Variants in SMYD3 observed in about 807,000 individuals in gnomAD.
SMYD3 encodes histone-lysine N-methyltransferase SMYD3.
A neutral mutation model predicts 57.7 loss-of-function variants in SMYD3; 36 were observed. The observed-to-expected ratio is 0.62, with a 90% CI of 0.48 to 0.82. The LOEUF is 0.82. Ranked by LOEUF, SMYD3 falls within the 40% of genes least tolerant of loss-of-function variation. The pLI, the probability that SMYD3 is intolerant of heterozygous loss-of-function variation, is 0.00. For missense variants in SMYD3, 515 were observed against 538.8 expected (o/e 0.96, Z 0.44); for synonymous variants, 211 against 195.0 (o/e 1.08, Z -0.68).
At chr1:246,483,940 A>G (rs921022705) in intron 1 of SMYD3, among the ~76,000 whole-genome samples, 4 of 152,232 alleles carry the variant, frequency 2.6e-5, no homozygotes, top group African/African-American at 9.6e-5. Flanking sequence ...AAACCTAAAA[A>G]CATATCACTT....
At chr1:246,349,147 G>A (rs1420206674) in intron 2 of SMYD3, among the ~76,000 whole-genome samples, 1 of 152,150 alleles carries the variant, frequency 6.6e-6, no homozygotes, top group African/African-American at 2.4e-5. Flanking sequence ...TCTACATAAA[G>A]AAAGAATGAG....
At chr1:246,282,818 C>A (rs1427711820) in intron 5 of SMYD3, among the ~76,000 whole-genome samples, 3 of 152,134 alleles carry the variant, frequency 2.0e-5, no homozygotes, top group African/African-American at 7.2e-5. Flanking sequence ...GAACAGTCAA[C>A]AAAATCTAAC....
chr1:246,424,114 G>A (rs1249939505), intron 1 of SMYD3, among the ~76,000 whole-genome samples: 1 of 152,142 alleles, frequency 6.6e-6, no homozygotes, highest in Non-Finnish European at 1.5e-5. Flanking sequence ...AAGAAATGAA[G>A]AGTGCTAGAA....
At chr1:246,187,018 G>C (rs1169389872) in intron 5 of SMYD3, 41 of 773,680 alleles carry the variant, frequency 5.3e-5, no homozygotes, top group Non-Finnish European at 6.4e-5. Context: ...AAGTAGGTGT[G>C]ATGTGCTAGA....
At chr1:245,938,952 C>T (rs1275062677) in intron 5 of SMYD3, among the ~76,000 whole-genome samples, 1 of 151,940 alleles carries the variant, frequency 6.6e-6, no homozygotes, top group East Asian at 1.9e-4. Context: ...TCAAGACCAC[C>T]CTGGCCAACA....
intron 5 of SMYD3, among the ~76,000 whole-genome samples, chr1:246,062,455 C>T (rs1400388655): frequency 6.6e-6 from 1 of 152,184 alleles, no homozygotes; most frequent in African/African-American, 2.4e-5. Flanking sequence ...CATCTTGTGA[C>T]ACCAGAAGAG....
chr1:246,080,599 T>C (rs1385388592), intron 5 of SMYD3, among the ~76,000 whole-genome samples: 2 of 152,084 alleles, frequency 1.3e-5, no homozygotes, highest in Non-Finnish European at 2.9e-5. Context: ...AACGGGAGAC[T>C]CTAGGAGAAA....
chr1:246,063,142 C>T (rs1199925405), intron 5 of SMYD3, among the ~76,000 whole-genome samples: 1 of 152,126 alleles, frequency 6.6e-6, no homozygotes, highest in Non-Finnish European at 1.5e-5. Flanking sequence ...TACAGGGAAA[C>T]AACACCAAGC....
chr1:246,091,858 G>A (rs989417804), intron 5 of SMYD3, among the ~76,000 whole-genome samples: 4 of 152,096 alleles, frequency 2.6e-5, no homozygotes, highest in African/African-American at 7.2e-5. Context: ...TTATATAAAC[G>A]TTTAATAATA....
intron 10 of SMYD3, among the ~76,000 whole-genome samples, chr1:245,794,032 A>T (rs1260866171): frequency 1.3e-5 from 2 of 152,154 alleles, no homozygotes; most frequent in Non-Finnish European, 2.9e-5. Flanking sequence ...TAATATTTAA[A>T]TTTCATCTTA....
intron 5 of SMYD3, among the ~76,000 whole-genome samples, chr1:246,143,566 G>C (rs2148124867): frequency 6.6e-6 from 1 of 152,236 alleles, no homozygotes; most frequent in East Asian, 1.9e-4. Context: ...TACTTGGGAG[G>C]CTGAGGTGGG....
chr1:245,882,703 T>C (rs2052854480), intron 8 of SMYD3, among the ~76,000 whole-genome samples: 1 of 152,192 alleles, frequency 6.6e-6, no homozygotes, highest in Non-Finnish European at 1.5e-5. Context: ...TTCTATGACA[T>C]GTATGTATTT....
At chr1:246,291,640 T>C (rs75754156) in intron 5 of SMYD3, among the ~76,000 whole-genome samples, 1 of 152,352 alleles carries the variant, frequency 6.6e-6, no homozygotes, top group Non-Finnish European at 1.5e-5. Context: ...CTAATAACCA[T>C]ATGTCTGGAC....
intron 10 of SMYD3, among the ~76,000 whole-genome samples, chr1:245,844,166 G>T (rs1195896436): frequency 1.3e-5 from 2 of 152,106 alleles, no homozygotes; most frequent in African/African-American, 4.8e-5. Flanking sequence ...TTTACAGCAG[G>T]TATCCCTCTC....
intron 10 of SMYD3, among the ~76,000 whole-genome samples, chr1:245,815,972 C>T (rs1410129351): frequency 6.6e-6 from 1 of 152,188 alleles, no homozygotes; most frequent in East Asian, 1.9e-4. Flanking sequence ...CACTCACCTT[C>T]TGTAGGTGAG....
At chr1:245,989,738 C>T (rs2058779048) in intron 5 of SMYD3, among the ~76,000 whole-genome samples, 1 of 152,214 alleles carries the variant, frequency 6.6e-6, no homozygotes, top group South Asian at 2.1e-4. Context: ...CAGAGGATTA[C>T]AGGCCAACTT....
At chr1:246,069,689 A>G (rs899545882) in intron 5 of SMYD3, among the ~76,000 whole-genome samples, 2 of 152,164 alleles carry the variant, frequency 1.3e-5, no homozygotes, top group African/African-American at 4.8e-5. Flanking sequence ...GCCACTTTGA[A>G]GTTCACCCCC....
At chr1:246,445,962 A>G (rs2067546195) in intron 1 of SMYD3, among the ~76,000 whole-genome samples, 1 of 152,252 alleles carries the variant, frequency 6.6e-6, no homozygotes, top group Non-Finnish European at 1.5e-5. Flanking sequence ...ATATGAATGC[A>G]TAACTAATGA....
At chr1:245,890,481 C>A (rs1053979960) in intron 8 of SMYD3, among the ~76,000 whole-genome samples, 1 of 152,090 alleles carries the variant, frequency 6.6e-6, no homozygotes, top group African/African-American at 2.4e-5. Context: ...ATAAGAACAT[C>A]CCGCATCATC....
Sources: gnomAD v4.1 joint callset for allele counts (sites outside exome capture counted in the v4.1 genomes callset) on GRCh38, gnomAD v4.1.1 for gene constraint, MANE v1.5 for transcripts, NCBI Gene and HGNC (gene_info 2026-07-23, HGNC 2026-07-21) for gene names.